The following NXN variants were observed in gnomAD, a reference collection of about 807,000 sequenced individuals.
NXN encodes nucleoredoxin 1.
Under a neutral mutation model 48.6 loss-of-function variants are expected in NXN, and 16 were observed. The ratio of observed to expected loss-of-function variants is 0.33; its 90% CI spans 0.22 to 0.50. The LOEUF (loss-of-function observed/expected upper bound fraction) is 0.50. Among genes scored for constraint, NXN ranks in the 20% least tolerant of loss-of-function variants. The pLI is 0.98. For synonymous variants in NXN, 281 were observed against 269.6 expected (o/e 1.04, Z -0.41); for missense variants, 492 against 605.5 (o/e 0.81, Z 1.97).
At chr17:819,068 T>A (rs1912655587) in intron 5 of NXN, 2 of 316,422 alleles carry the variant, frequency 6.3e-6, no homozygotes, top group Non-Finnish European at 1.2e-5. Context: ...TGCCTCAGCC[T>A]CCTGAGTAGC....
chr17:809,127 G>C (rs1269602268), intron 5 of NXN, among the ~76,000 whole-genome samples: 1 of 152,228 alleles, frequency 6.6e-6, no homozygotes, highest in Non-Finnish European at 1.5e-5. Context: ...CAGAGACACT[G>C]TCAAGACCGT....
chr17:931,188 G>C (rs190635036), intron 1 of NXN, among the ~76,000 whole-genome samples: 1 of 152,018 alleles, frequency 6.6e-6, no homozygotes, highest in Admixed American at 6.5e-5. Context: ...ACAGGAGGCT[G>C]AGGTGGGAGA....
chr17:975,631 C>T (rs530733619), intron 1 of NXN, among the ~76,000 whole-genome samples: 2 of 152,316 alleles, frequency 1.3e-5, no homozygotes, highest in African/African-American at 4.8e-5. Flanking sequence ...CAGAGCCTCA[C>T]AAAACTGTCC....
chr17:940,609 CA>C lies in NXN; in HGVS notation c.360+38709del, dbSNP rs1163878634. On this transcript the variant is annotated intron_variant, in intron 1 of 7. Transcript: ENST00000336868. Reference sequence around the variant, plus strand: ...TCTCACAACAGCCCAGCGGGCTTTGCAGGACCCTTAAAAACAAGATTCCAGG... The same window carrying C: ...TCTCACAACAGCCCAGCGGGCTTTGCGGACCCTTAAAAACAAGATTCCAGG... Among the ~76,000 whole-genome samples, 3 of 152,208 alleles carry C rather than the reference CA, an allele frequency of 2.0e-5. No homozygotes were observed. The East Asian group carries it at 5.8e-4, about 29-fold the overall frequency.
intron 1 of NXN, among the ~76,000 whole-genome samples, chr17:864,787 A>C (rs1298086744): frequency 6.6e-6 from 1 of 152,182 alleles, no homozygotes; most frequent in African/African-American, 2.4e-5. Context: ...GAGGTGGGTA[A>C]AGTTAAGGAA....
chr17:816,346 C>T (rs992641478), intron 5 of NXN, among the ~76,000 whole-genome samples: 1 of 75,184 alleles, frequency 1.3e-5, no homozygotes, highest in African/African-American at 1.2e-4. Context: ...CTGTCCCTGT[C>T]ATGGTCTCTA....
At chr17:936,855 A>C (rs1310554944) in intron 1 of NXN, among the ~76,000 whole-genome samples, 1 of 151,672 alleles carries the variant, frequency 6.6e-6, no homozygotes, top group Non-Finnish European at 1.5e-5. Context: ...TAAAACTGGG[A>C]GTGTTCCAGA....
intron 1 of NXN, among the ~76,000 whole-genome samples, chr17:828,135 G>C (rs1411664940): frequency 6.6e-6 from 1 of 151,856 alleles, no homozygotes; most frequent in Non-Finnish European, 1.5e-5. Context: ...ACAGAATCTC[G>C]CTCTGTCACC....
intron 1 of NXN, among the ~76,000 whole-genome samples, chr17:944,580 C>T (rs1438107275): frequency 6.6e-6 from 1 of 152,144 alleles, no homozygotes; most frequent in African/African-American, 2.4e-5. Flanking sequence ...TCTGAAGGAC[C>T]AGCCCTTTTT....
intron 7 of NXN, among the ~76,000 whole-genome samples, chr17:801,364 G>A (rs1054666376): frequency 9.9e-5 from 15 of 150,782 alleles, no homozygotes; most frequent in African/African-American, 1.5e-4. Flanking sequence ...TAGGTAAGTC[G>A]TCTGTATTTA....
At chr17:807,799 T>C (rs1444124735) in intron 5 of NXN, among the ~76,000 whole-genome samples, 1 of 152,260 alleles carries the variant, frequency 6.6e-6, no homozygotes, top group Non-Finnish European at 1.5e-5. Context: ...CTGACGAGCT[T>C]GGCCTACAGC....
rs1567827569 is a variant in NXN, at chr17:841,457, GCGCATCTCACACGGGCGA to G, written c.361-15397_361-15380del. Among the ~76,000 whole-genome samples the G allele has an allele frequency of 9.1e-5, 12 of 132,188 alleles. 1 individual carries two copies. The South Asian group carries it at 9.9e-4, about 11-fold the overall frequency. 86.7% of individuals were successfully genotyped at this position (132,188 alleles called of 152,430 possible). A position where few individuals can be genotyped will look rare whatever the true frequency, so the allele number is the denominator to read the frequency against. The stretch of plus-strand genomic sequence containing the variant: ...GGGCGAGCAGGTCCCCCTGACCACG[GCGCATCTCACACGGGCGA>G]GCAGGTCCCCCCTGACCACGGCGCA... On this transcript the variant is annotated intron_variant, in intron 1 of 7. Coordinates refer to ENST00000336868, the MANE Select transcript of NXN (RefSeq NM_022463.5).
chr17:866,251 T>C (rs2068094634), intron 1 of NXN, among the ~76,000 whole-genome samples: 2 of 152,048 alleles, frequency 1.3e-5, no homozygotes, highest in South Asian at 2.1e-4. Context: ...GTCACATACA[T>C]GTATAAATGC....
chr17:979,705 G>C lies in NXN; in HGVS notation c.-27C>G. 6.5e-6 allele frequency: 9 copies of C among 1,375,178 alleles called. No individual in the cohort carries two copies. Among genetic ancestry groups the C allele is most frequent in the Non-Finnish European group, 8.5e-6 (9 of 1,062,786 alleles). The allele number at this position is 1,375,178 out of a possible 1,614,324, so 85.2% of individuals were successfully genotyped here. A position where few individuals can be genotyped will look rare whatever the true frequency, so the allele number is the denominator to read the frequency against. ...CTGGCCCACCGCAGGGCGGGCAGGCGGCTGCGACCCCGCTCCACGGTCCGC... is the reference window on the plus strand; with the variant it reads ...CTGGCCCACCGCAGGGCGGGCAGGCCGCTGCGACCCCGCTCCACGGTCCGC... On this transcript the variant is annotated 5_prime_UTR_variant, in exon 1 of 8. Transcript: ENST00000336868.
intron 5 of NXN, among the ~76,000 whole-genome samples, chr17:812,615 AGT>A (rs1363233208): frequency 6.7e-6 from 1 of 148,198 alleles, no homozygotes; most frequent in Admixed American, 6.6e-5. Context: ...GCATTGTGTG[AGT>A]GTAGGTGAGT....
intron 1 of NXN, among the ~76,000 whole-genome samples, chr17:829,281 G>A (rs574850527): frequency 2.0e-5 from 3 of 151,512 alleles, no homozygotes; most frequent in Admixed American, 6.6e-5. Context: ...TCAGCCTCCC[G>A]AGTAGCTGGG....
intron 1 of NXN, among the ~76,000 whole-genome samples, chr17:881,966 C>G (rs2068289235): frequency 6.6e-6 from 1 of 152,104 alleles, no homozygotes; most frequent in Non-Finnish European, 1.5e-5. Context: ...CAGAGAGGCT[C>G]AGCAGGGGAC....
In NXN at chr17:830,609, G is replaced by A. The variant is rs1325922146; in HGVS notation, c.361-4531C>T. Among the ~76,000 whole-genome samples the A allele has an allele frequency of 6.6e-6, 1 of 152,198 alleles. No homozygotes were observed. Among genetic ancestry groups the A allele is most frequent in the South Asian group, 2.1e-4 (1 of 4,832 alleles). On this transcript the variant is annotated intron_variant, in intron 1 of 7. Transcript: ENST00000336868. This position sits in a 1 kb window ranked among gnomAD's most constrained non-coding sequence, Gnocchi z 4.2. ...GGGCGGCGGCTGTGATGAGGTCAGA[G>A]ATCATCATAAGATTTGTGAACCACA...
At chr17:955,038 C>CT (rs11430876) in intron 1 of NXN, among the ~76,000 whole-genome samples, 10,794 of 152,150 alleles carry the variant, frequency 0.071, 907 homozygotes, top group African/African-American at 0.21. Flanking sequence ...GAAAACAACT[C>CT]TGCTGTCAGG....
Sources: allele counts gnomAD v4.1 joint callset (sites outside exome capture counted in the v4.1 genomes callset), GRCh38; gene constraint gnomAD v4.1.1; non-coding constraint Gnocchi (gnomAD v3.1); transcripts MANE v1.5; gene names NCBI Gene and HGNC (gene_info 2026-07-23, HGNC 2026-07-21).